The following ATP2B2 variants were observed in gnomAD, a reference collection of about 807,000 sequenced individuals.
ATP2B2 encodes ATPase plasma membrane Ca2+ transporting 2.
In ATP2B2, 15 loss-of-function variants were observed where a neutral mutation model predicts 120.0. The observed-to-expected ratio is 0.12, with a 90% CI of 0.08 to 0.19. ATP2B2 has a LOEUF of 0.19. Among genes scored for constraint, ATP2B2 ranks in the 10% least tolerant of loss-of-function variants. The pLI, the probability that ATP2B2 is intolerant of heterozygous loss-of-function variation, is 1.00. For synonymous variants in ATP2B2, 694 were observed against 700.3 expected, an observed-to-expected ratio of 0.99 and a Z score of 0.14; for missense variants, 1,045 against 1,719.8, an observed-to-expected ratio of 0.61 and a Z score of 6.94.
At position 10,342,118 on chromosome 3, in the gene ATP2B2, C is replaced by A. The variant is rs1175839055; in HGVS notation, c.2917+634G>T. 1.3e-5 allele frequency among the ~76,000 whole-genome samples: 2 copies of A among 152,222 alleles called. 1 individual carries two copies. Among genetic ancestry groups the A allele is most frequent in the South Asian group, 4.1e-4 (2 of 4,832 alleles). On this transcript the variant is annotated intron_variant, in intron 19 of 22. Transcript: ENST00000360273. This position sits in a 1 kb window ranked among gnomAD's most constrained non-coding sequence, Gnocchi z 4.4. ...TTGCCTCCGAAGCATCTGTGGAAAC[C>A]AGGCCAGTCTTGGCCCCAGCCAGAC...
chr3:10,631,423 C>T (rs1462950993), intron 1 of ATP2B2, among the ~76,000 whole-genome samples: 1 of 152,178 alleles, frequency 6.6e-6, no homozygotes, highest in Non-Finnish European at 1.5e-5. Context: ...AATCCTGAGG[C>T]TCAAAGAGGT....
chr3:10,401,125 G>C (rs774926821), intron 4 of ATP2B2, 47 bp from the exon 5 acceptor site: 12 of 1,610,044 alleles, frequency 7.5e-6, no homozygotes, highest in Non-Finnish European at 6.8e-6. Flanking sequence ...CAGGTGACTA[G>C]AGGGCTGGAA....
At chr3:10,386,092 A>G (rs866989005) in intron 7 of ATP2B2, among the ~76,000 whole-genome samples, 1 of 152,204 alleles carries the variant, frequency 6.6e-6, no homozygotes, top group Admixed American at 6.5e-5. Context: ...AAGAGGCCCC[A>G]CTGGGTGAAG....
At chr3:10,355,907 A>G (rs1168487148) in intron 14 of ATP2B2, among the ~76,000 whole-genome samples, 1 of 77,532 alleles carries the variant, frequency 1.3e-5, no homozygotes, top group Non-Finnish European at 2.5e-5. Context: ...CCCCGTCTCT[A>G]CTAAAAAAAT....
chr3:10,359,914 G>A lies in ATP2B2; in HGVS notation c.1869C>T (p.Tyr623=). 1.9e-6 allele frequency: 3 copies of A among 1,614,246 alleles called. No individual in the cohort carries two copies. The highest frequency in any genetic ancestry group is 2.5e-6 in the Non-Finnish European group (3 of 1,180,048). ...GCACGATCTCAGAAGCCCCCTTGCT[G>A]TACATGCGGAAGCTCTCGTCGGGCA... The part of the protein sequence containing the change: ...IKLPDESFRM[Y]SKGASEIVLK... Residue 623 remains tyrosine, a synonymous_variant, in exon 13 of 23, where the codon TAC becomes TAT. Transcript: ENST00000360273.
intron 1 of ATP2B2, among the ~76,000 whole-genome samples, chr3:10,650,842 C>G (rs1472539370): frequency 6.6e-6 from 1 of 152,216 alleles, no homozygotes; most frequent in African/African-American, 2.4e-5. Flanking sequence ...CTATGCCCTG[C>G]AAAGCCACAG....
At chr3:10,526,419 A>G (rs1366150232) in intron 3 of ATP2B2, among the ~76,000 whole-genome samples, 1 of 152,202 alleles carries the variant, frequency 6.6e-6, no homozygotes, top group Non-Finnish European at 1.5e-5. Context: ...GGAGCTCTGC[A>G]GTTCCCTGAC....
intron 1 of ATP2B2, among the ~76,000 whole-genome samples, chr3:10,640,101 C>T (rs1184781559): frequency 1.3e-5 from 2 of 152,210 alleles, no homozygotes; most frequent in East Asian, 3.9e-4. Context: ...GAATGGGAAT[C>T]AGCCAGCACT....
intron 1 of ATP2B2, among the ~76,000 whole-genome samples, chr3:10,672,357 G>A (rs2071123483): frequency 6.6e-6 from 1 of 152,172 alleles, no homozygotes; most frequent in African/African-American, 2.4e-5. Context: ...CTGTCATCCT[G>A]TTCTAATGAC....
chr3:10,341,343 CGTT>C (rs1262479666), intron 19 of ATP2B2, among the ~76,000 whole-genome samples: 2 of 152,102 alleles, frequency 1.3e-5, no homozygotes, highest in Non-Finnish European at 2.9e-5. Flanking sequence ...GATGGAGTCT[CGTT>C]GTTGCCCAGG....
chr3:10,648,632 C>T (rs1303282169), intron 1 of ATP2B2, among the ~76,000 whole-genome samples: 1 of 152,192 alleles, frequency 6.6e-6, no homozygotes, highest in Non-Finnish European at 1.5e-5. Flanking sequence ...TCCCAAACTC[C>T]CCCAAACCTG....
intron 5 of ATP2B2, among the ~76,000 whole-genome samples, chr3:10,390,498 TTGTGTG>T (rs61552990): frequency 0.32 from 48,077 of 148,170 alleles, 8,514 homozygotes; most frequent in East Asian, 0.68. Flanking sequence ...GTGCATGCTT[TTGTGTG>T]TGTGTGTGTG....
At chr3:10,696,697 T>A (rs2071746780) in intron 1 of ATP2B2, among the ~76,000 whole-genome samples, 1 of 152,054 alleles carries the variant, frequency 6.6e-6, no homozygotes. Flanking sequence ...CCTTTCCACC[T>A]CACACAAGGG....
At chr3:10,648,325 AAC>A (rs2070372684) in intron 1 of ATP2B2, among the ~76,000 whole-genome samples, 1 of 152,082 alleles carries the variant, frequency 6.6e-6, no homozygotes, top group Admixed American at 6.5e-5. Context: ...TTTCCTGACT[AAC>A]AGTTTCCTGG....
At chr3:10,480,841 A>G (rs1006678615) in intron 1 of ATP2B2, among the ~76,000 whole-genome samples, 1 of 152,246 alleles carries the variant, frequency 6.6e-6, no homozygotes, top group Non-Finnish European at 1.5e-5. Context: ...ATTGGATCAC[A>G]TCATTGTCCT....
intron 2 of ATP2B2, among the ~76,000 whole-genome samples, chr3:10,548,745 T>A (rs1306640267): frequency 6.6e-6 from 1 of 152,224 alleles, no homozygotes; most frequent in East Asian, 1.9e-4. Flanking sequence ...CATCTTATGA[T>A]CTGCTTCTGG....
chr3:10,519,883 C>T (rs575140163), intron 3 of ATP2B2, among the ~76,000 whole-genome samples: 1 of 152,332 alleles, frequency 6.6e-6, no homozygotes. Context: ...GACCAGGATA[C>T]CTGCCTAGCA....
intron 2 of ATP2B2, among the ~76,000 whole-genome samples, chr3:10,411,961 C>A (rs1203010725): frequency 6.6e-6 from 1 of 152,242 alleles, no homozygotes; most frequent in Non-Finnish European, 1.5e-5. Flanking sequence ...CAAGTCCACT[C>A]TCACGCACCT....
intron 2 of ATP2B2, among the ~76,000 whole-genome samples, chr3:10,577,056 A>C (rs1331173328): frequency 6.7e-5 from 3 of 44,882 alleles, no homozygotes; most frequent in Non-Finnish European, 1.6e-4. Context: ...TGTGTCAAAA[A>C]AAAAAAAAAA....
Sources: allele counts gnomAD v4.1 joint callset (sites outside exome capture counted in the v4.1 genomes callset), GRCh38; gene constraint gnomAD v4.1.1; non-coding constraint Gnocchi (gnomAD v3.1); transcripts MANE v1.5; gene names NCBI Gene and HGNC (gene_info 2026-07-23, HGNC 2026-07-21).